Variants in PRMT9 observed in about 807,000 individuals in gnomAD.
PRMT9 encodes the protein protein arginine N-methyltransferase 9.
In PRMT9, 59 loss-of-function variants were observed where a neutral mutation model predicts 83.2. The ratio of observed to expected loss-of-function variants is 0.71; its 90% CI spans 0.57 to 0.88. The LOEUF (loss-of-function observed/expected upper bound fraction) is 0.88, where lower values mean the gene tolerates loss of function less well. Among genes scored for constraint, PRMT9 ranks in the 40% least tolerant of loss-of-function variants. The pLI is 0.00. For missense variants in PRMT9, 947 were observed against 1,021.9 expected, an observed-to-expected ratio of 0.93 and a Z score of 1.00; for synonymous variants, 333 against 353.2, an observed-to-expected ratio of 0.94 and a Z score of 0.64.
At position 147,680,467 on chromosome 4, in the gene PRMT9, GTT is replaced by G. The variant is rs1415553782; in HGVS notation, c.192_193del (p.Glu64AspfsTer11). On this transcript the variant is annotated frameshift_variant and splice_region_variant, in exon 2 of 12. Coordinates refer to ENST00000322396, the MANE Select transcript of PRMT9 (RefSeq NM_138364.4). LOFTEE classifies it high-confidence loss of function. Reference sequence around the variant, plus strand: ...CCATCTGAAAAGTGTGTACTGAAAAGTTTCCTTTACAAATAAGAAAAAAATTA... The same window carrying G: ...CCATCTGAAAAGTGTGTACTGAAAAGTCCTTTACAAATAAGAAAAAAATTA... The G allele has an allele frequency of 1.9e-6, 3 of 1,612,306 alleles. No homozygotes were observed. In the Admixed American group the frequency reaches 5.0e-5, roughly 27 times the overall value.
chr4:147,670,640 C>A lies in PRMT9; in HGVS notation c.846+1G>T, dbSNP rs1376216722. ...GTTGTAAGTATTTTCATACTGCTTACCTTTGGCTGTAAAAGTAAATGCTCC... is the reference window on the plus strand; with the variant it reads ...GTTGTAAGTATTTTCATACTGCTTAACTTTGGCTGTAAAAGTAAATGCTCC... On this transcript the variant is annotated splice_donor_variant, in intron 5 of 11. Coordinates refer to ENST00000322396, the MANE Select transcript of PRMT9 (RefSeq NM_138364.4). LOFTEE classifies it high-confidence loss of function. 2 of 1,587,530 alleles carry A rather than the reference C, an allele frequency of 1.3e-6. No homozygotes were observed. Among genetic ancestry groups the A allele is most frequent in the South Asian group, 2.2e-5 (2 of 90,594 alleles).
chr4:147,668,499 G>T, intron 6 of PRMT9, 40 bp downstream of exon 6: 1 of 1,159,064 alleles, frequency 8.6e-7, no homozygotes. Context: ...AATCTTGGGA[G>T]GTGCTTTATA....
In PRMT9 at chr4:147,672,922, G is replaced by A. The variant is rs747070763; in HGVS notation, c.743+37C>T. On this transcript the variant is annotated intron_variant, in intron 4 of 11. Transcript: ENST00000322396. ...TATATCTTAGTTTTTTAAAAATAGA[G>A]AAGTATAAACACTAAAATTAGTTTA... 2.6e-6 allele frequency: 4 copies of A among 1,553,362 alleles called. No individual in the cohort carries two copies. In the African/African-American group the frequency reaches 4.1e-5, roughly 16 times the overall value.
At chr4:147,652,553 G>A (rs1734179273) in intron 9 of PRMT9, among the ~76,000 whole-genome samples, 1 of 151,822 alleles carries the variant, frequency 6.6e-6, no homozygotes, top group South Asian at 2.1e-4. Context: ...ATAAGCAGTG[G>A]CACATGCCTG....
In PRMT9 at chr4:147,673,648, C is replaced by T. The variant is rs769164317; in HGVS notation, c.565G>A (p.Gly189Arg). ...KSVLDIGAGTGILSMFAKKAG... is the reference protein window; with the variant it reads ...KSVLDIGAGTRILSMFAKKAG... ...GCAATTACTACCAACCTTAGTATTCCAGTTCCTGCTCCAATGTCCAAAACA... is the reference window on the plus strand; with the variant it reads ...GCAATTACTACCAACCTTAGTATTCTAGTTCCTGCTCCAATGTCCAAAACA... The change falls in exon 3 of 12, where the codon GGA becomes AGA. Residue 189 changes from glycine (G) to arginine (R), a missense_variant. Gly to Arg is a moderately radical substitution (Grantham distance 125). Transcript: ENST00000322396. The T allele has an allele frequency of 1.2e-6, 2 of 1,600,090 alleles. No homozygotes were observed. Among genetic ancestry groups the T allele is most frequent in the South Asian group, 2.2e-5 (2 of 90,786 alleles).
chr4:147,654,655 C>T lies in PRMT9; in HGVS notation c.1331-89G>A. On this transcript the variant is annotated intron_variant, in intron 8 of 11. Coordinates refer to ENST00000322396, the MANE Select transcript of PRMT9 (RefSeq NM_138364.4). The stretch of plus-strand genomic sequence containing the variant: ...CATCTCCATCCTCCATCTAGCCCCC[C>T]ATTCTTTAGATCACTATAGAAAGGA... The T allele has an allele frequency of 7.3e-6, 6 of 822,086 alleles. No individual in the cohort carries two copies. In the South Asian group the frequency reaches 8.4e-5, roughly 12 times the overall value. The allele number at this position is 822,086 out of a possible 1,614,324, so 50.9% of individuals were successfully genotyped here.
At position 147,651,492 on chromosome 4, in the gene PRMT9, T is replaced by C. The variant is rs144110571; in HGVS notation, c.2045+2360A>G. ...AAATATTTACAAATCATACATGAAATAAGGGGTTAGTATCCAGAATACAGA... is the reference window on the plus strand; with the variant it reads ...AAATATTTACAAATCATACATGAAACAAGGGGTTAGTATCCAGAATACAGA... On this transcript the variant is annotated intron_variant, in intron 9 of 11. Coordinates refer to ENST00000322396, the MANE Select transcript of PRMT9 (RefSeq NM_138364.4). Among the ~76,000 whole-genome samples, 27 of 152,172 alleles carry C rather than the reference T, an allele frequency of 1.8e-4. No individual in the cohort carries two copies. The East Asian group carries it at 4.2e-3, about 24-fold the overall frequency.
At chr4:147,641,790 T>C (rs1733420419) in intron 10 of PRMT9, among the ~76,000 whole-genome samples, 1 of 152,110 alleles carries the variant, frequency 6.6e-6, no homozygotes, top group African/African-American at 2.4e-5. Flanking sequence ...GCCTCCCAAG[T>C]AGCTGGGACT....
intron 8 of PRMT9, among the ~76,000 whole-genome samples, chr4:147,654,789 T>C (rs754420747): frequency 2.6e-4 from 40 of 152,190 alleles, no homozygotes; most frequent in Non-Finnish European, 5.1e-4. Flanking sequence ...ATGGAGACAT[T>C]TGAGAGCTCC....
rs773903910 is a variant in PRMT9 at position 147,639,084 on chromosome 4, T to C, written c.2200-2A>G. ...GTCCAAAAATACACGTATAGGTACC[T>C]AGAGAAAGTATAAATTTTTCACTTT... On this transcript the variant is annotated splice_acceptor_variant, in intron 10 of 11. Transcript: ENST00000322396. LOFTEE classifies it high-confidence loss of function. 23 of 1,613,250 alleles carry C rather than the reference T, an allele frequency of 1.4e-5. No homozygotes were observed. Among genetic ancestry groups the C allele is most frequent in the Non-Finnish European group, 1.8e-5 (21 of 1,179,374 alleles).
chr4:147,662,396 C>A (rs561984700), intron 6 of PRMT9, among the ~76,000 whole-genome samples: 1 of 152,282 alleles, frequency 6.6e-6, no homozygotes, highest in African/African-American at 2.4e-5. Flanking sequence ...CGGTAATATT[C>A]TGGTCCTTGA....
intron 6 of PRMT9, among the ~76,000 whole-genome samples, chr4:147,664,011 G>A (rs919140424): frequency 6.6e-6 from 1 of 152,090 alleles, no homozygotes; most frequent in African/African-American, 2.4e-5. Flanking sequence ...TTTGTCAACT[G>A]AATCAAAAAT....
intron 1 of PRMT9, among the ~76,000 whole-genome samples, chr4:147,682,555 C>T (rs1736556809): frequency 6.6e-6 from 1 of 152,152 alleles, no homozygotes; most frequent in African/African-American, 2.4e-5. Flanking sequence ...TGTGATCCAC[C>T]CGCCTCCGCC....
At chr4:147,654,695 T>G in intron 8 of PRMT9, 129 bp from the exon 9 acceptor site, 1 of 664,712 alleles carries the variant, frequency 1.5e-6, no homozygotes, top group Non-Finnish European at 2.6e-6. Context: ...AAATACTCAT[T>G]TAATATACAA....
At chr4:147,656,301 G>A (rs530767428) in intron 8 of PRMT9, among the ~76,000 whole-genome samples, 17 of 151,102 alleles carry the variant, frequency 1.1e-4, no homozygotes, top group South Asian at 4.2e-4. Flanking sequence ...GTGTGTGTGC[G>A]TGTGTGTGTG....
chr4:147,653,832 G>A lies in PRMT9; in HGVS notation c.2045+20C>T. On this transcript the variant is annotated intron_variant, in intron 9 of 11. Coordinates refer to ENST00000322396, the MANE Select transcript of PRMT9 (RefSeq NM_138364.4). ...CCTCAAAAAAAAAACAAAGCCAAAA[G>A]TTATTATTTTGTGTTTTACCTGGAT... is the stretch of plus-strand genomic sequence containing the variant. The A allele has an allele frequency of 6.4e-7, 1 of 1,568,026 alleles. No homozygotes were observed. The highest frequency in any genetic ancestry group is 8.8e-7 in the Non-Finnish European group (1 of 1,142,674).
At chr4:147,664,961 T>C (rs1412209344) in intron 6 of PRMT9, among the ~76,000 whole-genome samples, 1 of 150,782 alleles carries the variant, frequency 6.6e-6, no homozygotes, top group African/African-American at 2.4e-5. Context: ...TAAAAAAAAA[T>C]ACAAAAAATC....
intron 1 of PRMT9, 59 bp downstream of exon 1, chr4:147,683,740 T>A (rs1458238785): frequency 4.8e-5 from 69 of 1,442,270 alleles, no homozygotes; most frequent in African/African-American, 7.2e-5. Context: ...TTTCTGTTTT[T>A]TTTTTTTTTT....
chr4:147,668,752 G>T, intron 5 of PRMT9, 107 bp from the exon 6 acceptor site: 1 of 753,744 alleles, frequency 1.3e-6, no homozygotes, highest in Non-Finnish European at 2.2e-6. Flanking sequence ...AAGACAATAA[G>T]TAAGGATAAA....
Sources: gnomAD v4.1 joint callset for allele counts (sites outside exome capture counted in the v4.1 genomes callset) on GRCh38, gnomAD v4.1.1 for gene constraint, MANE v1.5 for transcripts, NCBI Gene and HGNC (gene_info 2026-07-23, HGNC 2026-07-21) for gene names.